SLC24A2: variants seen among roughly 807,000 people sequenced by gnomAD.
SLC24A2 encodes the protein sodium/potassium/calcium exchanger 2.
In SLC24A2, 36 loss-of-function variants were observed where a neutral mutation model predicts 62.0. The observed-to-expected ratio is 0.58, with a 90% confidence interval of 0.44 to 0.77. The LOEUF (loss-of-function observed/expected upper bound fraction) is 0.77, where lower values mean the gene tolerates loss of function less well. SLC24A2 is among the 30% of genes least tolerant of loss of function. SLC24A2 has a pLI of 0.00. For missense variants in SLC24A2, 846 were observed against 817.9 expected (o/e 1.03, Z -0.42); for synonymous variants, 358 against 294.0 (o/e 1.22, Z -2.23).
At chr9:20,183,318 A>G in the SLC24A2 span, among the ~76,000 whole-genome samples, 1 of 152,360 alleles carries the variant, frequency 6.6e-6, no homozygotes, top group South Asian at 2.1e-4. Flanking sequence ...ATTATGGATC[A>G]TAAATATAAG....
At chr9:19,886,140 C>A in the SLC24A2 span, among the ~76,000 whole-genome samples, 1 of 152,090 alleles carries the variant, frequency 6.6e-6, no homozygotes, top group Non-Finnish European at 1.5e-5. Flanking sequence ...GGTCGAATGG[C>A]AATTCTGTTT....
chr9:19,613,871 G>C (rs1335319894), intron 4 of SLC24A2, among the ~76,000 whole-genome samples: 2 of 152,154 alleles, frequency 1.3e-5, no homozygotes, highest in Admixed American at 6.5e-5. Flanking sequence ...TTTACTTCTT[G>C]TGTCACCTTG....
chr9:19,544,634 A>C (rs972792846), intron 8 of SLC24A2, among the ~76,000 whole-genome samples: 47 of 152,260 alleles, frequency 3.1e-4, no homozygotes, highest in Middle Eastern at 3.4e-3. Flanking sequence ...GGTGGTGACA[A>C]AATCTCTCGG....
chr9:20,134,272 T>A, the SLC24A2 span, among the ~76,000 whole-genome samples: 1 of 152,184 alleles, frequency 6.6e-6, no homozygotes, highest in Non-Finnish European at 1.5e-5. Context: ...GATAGATATA[T>A]ATCGAAGAAG....
intron 2 of SLC24A2, among the ~76,000 whole-genome samples, chr9:19,639,285 T>C (rs1475098224): frequency 6.6e-6 from 1 of 152,246 alleles, no homozygotes; most frequent in Non-Finnish European, 1.5e-5. Flanking sequence ...TTCCCTATAA[T>C]GAAGTCCTTT....
the SLC24A2 span, among the ~76,000 whole-genome samples, chr9:19,841,405 G>C: frequency 3.3e-5 from 5 of 152,080 alleles, no homozygotes; most frequent in Non-Finnish European, 7.4e-5. Context: ...AAGCATCCTT[G>C]GTAAAAGAAG....
chr9:20,158,625 A>C, the SLC24A2 span, among the ~76,000 whole-genome samples: 290 of 151,824 alleles, frequency 1.9e-3, 2 homozygotes, highest in African/African-American at 6.8e-3. Flanking sequence ...ATTTTATATT[A>C]GCAGCCTAAA....
chr9:19,945,270 G>A, the SLC24A2 span, among the ~76,000 whole-genome samples: 1 of 152,032 alleles, frequency 6.6e-6, no homozygotes, highest in African/African-American at 2.4e-5. Flanking sequence ...AGCAGGTGGA[G>A]GAATATACAC....
chr9:19,520,705 C>G (rs1833154585), intron 10 of SLC24A2, among the ~76,000 whole-genome samples, 189 bp downstream of exon 10: 1 of 151,826 alleles, frequency 6.6e-6, no homozygotes. Context: ...ACTTATTTTT[C>G]ATTAAGTTCT....
intron 9 of SLC24A2, among the ~76,000 whole-genome samples, chr9:19,525,391 CTTTTTTTTTTTTTTTTTT>C (rs572919824): frequency 1.3e-5 from 1 of 76,374 alleles, no homozygotes; most frequent in African/African-American, 5.7e-5. Context: ...TATTTCTTTA[CTTTTTTTTTTTTTTTTTT>C]TTTTTTTTTT....
the SLC24A2 span, among the ~76,000 whole-genome samples, chr9:19,831,061 C>A: frequency 7.2e-5 from 11 of 152,268 alleles, no homozygotes; most frequent in South Asian, 2.3e-3. Context: ...AGAATGCCTC[C>A]TTTAACCTTG....
chr9:20,029,552 G>A, the SLC24A2 span, among the ~76,000 whole-genome samples: 1 of 152,156 alleles, frequency 6.6e-6, no homozygotes, highest in African/African-American at 2.4e-5. Context: ...CCACAGTACT[G>A]ATCCAAAGGT....
intron 2 of SLC24A2, among the ~76,000 whole-genome samples, chr9:19,690,108 T>G (rs546668369): frequency 6.6e-6 from 1 of 152,082 alleles, no homozygotes; most frequent in Admixed American, 6.6e-5. Flanking sequence ...GACTCCATAA[T>G]TGTGTGAGCA....
At chr9:19,769,180 T>A (rs1822609438) in intron 2 of SLC24A2, among the ~76,000 whole-genome samples, 2 of 152,220 alleles carry the variant, frequency 1.3e-5, no homozygotes, top group African/African-American at 4.8e-5. Context: ...ATTCCATTCT[T>A]CTAGTTACAC....
intron 7 of SLC24A2, among the ~76,000 whole-genome samples, chr9:19,559,435 C>T (rs777169527): frequency 9.2e-5 from 14 of 152,252 alleles, no homozygotes; most frequent in Non-Finnish European, 1.5e-4. Context: ...GGAGAAAATA[C>T]GATTTTATTC....
At chr9:20,101,962 T>A in the SLC24A2 span, among the ~76,000 whole-genome samples, 1 of 152,088 alleles carries the variant, frequency 6.6e-6, no homozygotes, top group Non-Finnish European at 1.5e-5. Context: ...AAAGATCTCT[T>A]TTTTCTCTTT....
the SLC24A2 span, among the ~76,000 whole-genome samples, chr9:20,301,260 T>C: frequency 2.0e-5 from 3 of 152,204 alleles, no homozygotes; most frequent in Non-Finnish European, 2.9e-5. Context: ...TAGTCCCCCT[T>C]TGTCTCACAG....
the SLC24A2 span, among the ~76,000 whole-genome samples, chr9:19,999,752 C>G: frequency 6.6e-6 from 1 of 152,178 alleles, no homozygotes; most frequent in African/African-American, 2.4e-5. Context: ...CCTCCTGTGT[C>G]CTGCCTTACA....
chr9:19,806,781 G>A, the SLC24A2 span, among the ~76,000 whole-genome samples: 1 of 152,136 alleles, frequency 6.6e-6, no homozygotes. Flanking sequence ...TGTGCCATGC[G>A]ACTCACATCA....
Sources: allele counts gnomAD v4.1 joint callset (sites outside exome capture counted in the v4.1 genomes callset), GRCh38; gene constraint gnomAD v4.1.1; transcripts MANE v1.5; gene names NCBI Gene and HGNC (gene_info 2026-07-23, HGNC 2026-07-21).